Variants in MRPS34 observed in about 807,000 individuals in gnomAD.
MRPS34 encodes the protein small ribosomal subunit protein mS34.
A neutral mutation model predicts 13.3 loss-of-function variants in MRPS34; 12 were observed. That is an observed-to-expected ratio of 0.90 (90% CI 0.58 to 1.46). MRPS34 has a LOEUF of 1.46. Ranked by LOEUF, MRPS34 falls within the 40% of genes most tolerant of loss-of-function variation. MRPS34 has a pLI of 0.00. For synonymous variants in MRPS34, 181 were observed against 149.3 expected, an observed-to-expected ratio of 1.21 and a Z score of -1.55; for missense variants, 419 against 335.3, an observed-to-expected ratio of 1.25 and a Z score of -1.95.
In MRPS34 at chr16:1,772,815, G is replaced by A; in HGVS notation, c.305C>T (p.Pro102Leu). The A allele has an allele frequency of 6.9e-7, 1 of 1,446,822 alleles. No individual in the cohort carries two copies. Among genetic ancestry groups the A allele is most frequent in the Non-Finnish European group, 9.0e-7 (1 of 1,105,056 alleles). 89.6% of individuals were successfully genotyped at this position (1,446,822 alleles called of 1,614,324 possible). ...PCYWRLTRVR[P>L]DYTAQNLDHG... is the part of the protein sequence containing the mutation. ...TGCACGCACCTGCGCCGTGTAGTCG[G>A]GCCGCACCCGCGTGAGGCGCCAGTA... Residue 102 changes from proline to leucine, a missense_variant, in exon 1 of 3, where the codon CCC becomes CTC. By Grantham distance (98) the Pro-to-Leu change is moderately conservative (BLOSUM62 -3). Coordinates refer to ENST00000397375, the MANE Select transcript of MRPS34 (RefSeq NM_023936.2).
Position 1,772,990 on chromosome 16 carries a change from G to A in MRPS34, c.130C>T (p.Pro44Ser), listed in dbSNP as rs915831791. The A allele has an allele frequency of 1.2e-5, 18 of 1,452,962 alleles. No homozygotes were observed. Among genetic ancestry groups the A allele is most frequent in the Non-Finnish European group, 1.6e-5 (18 of 1,104,116 alleles). The allele number at this position is 1,452,962 out of a possible 1,614,324, so 90.0% of individuals were successfully genotyped here. A position where few individuals can be genotyped will look rare whatever the true frequency, so the allele number is the denominator to read the frequency against. The change falls in exon 1 of 3, where the codon CCG becomes TCG. Residue 44 changes from proline (P) to serine (S), a missense_variant. Pro to Ser is a moderately conservative substitution (Grantham distance 74). Coordinates refer to ENST00000397375, the MANE Select transcript of MRPS34 (RefSeq NM_023936.2). ...ACCGGCAGCCGGCGTCCAGAGAACG[G>A]CCGCGTCAAGGTCTCGTAGTCCACC... Reference protein sequence around the residue: ...YAVDYETLTRPFSGRRLPVRA... With the variant: ...YAVDYETLTRSFSGRRLPVRA...
Position 1,772,346 on chromosome 16 carries a change from G to C in MRPS34, c.532C>G (p.Arg178Gly), listed in dbSNP as rs750773640. 5 of 1,612,960 alleles carry C rather than the reference G, an allele frequency of 3.1e-6. No individual in the cohort carries two copies. The highest frequency in any genetic ancestry group is 2.2e-5 in the South Asian group (2 of 91,086). Residue 178 changes from arginine to glycine, a missense_variant, in exon 3 of 3, where the codon CGA becomes GGA. By Grantham distance (125) the Arg-to-Gly change is moderately radical. Coordinates refer to ENST00000397375, the MANE Select transcript of MRPS34 (RefSeq NM_023936.2). Reference protein sequence around the residue: ...PLLRAMIIAERQKNGDTSTEE... With the variant: ...PLLRAMIIAEGQKNGDTSTEE... Reference sequence around the variant, plus strand: ...GTGCTTGTGTCTCCATTTTTCTGTCGTTCTGCGATAATCATGGCCCGGAGG... The same window carrying C: ...GTGCTTGTGTCTCCATTTTTCTGTCCTTCTGCGATAATCATGGCCCGGAGG...
chr16:1,773,084 C>T lies in MRPS34; in HGVS notation c.36G>A (p.Ala12=), dbSNP rs1316869026. 3.6e-6 allele frequency: 5 copies of T among 1,407,796 alleles called. No homozygotes were observed. The African/African-American group carries it at 7.6e-5, about 21-fold the overall frequency. 87.2% of individuals were successfully genotyped at this position (1,407,796 alleles called of 1,614,324 possible). The change falls in exon 1 of 3, where the codon GCG becomes GCA. Residue 12 remains alanine (A), a synonymous_variant. Coordinates refer to ENST00000397375, the MANE Select transcript of MRPS34 (RefSeq NM_023936.2). ...ARKKVRPRLI[A]ELARRVRALR... ...GGGCGCGCACGCGGCGGGCCAGCTC[C>T]GCGATCAGCCGCGGACGCACCTTCT...
chr16:1,773,057 C>T lies in MRPS34; in HGVS notation c.63G>A (p.Leu21=). The change falls in exon 1 of 3, where the codon CTG becomes CTA. Residue 21 remains leucine (L), a synonymous_variant. Transcript: ENST00000397375. ...IAELARRVRA[L]REQLNRPRDS... is the part of the protein sequence containing the mutation. ...CGCGCGGCCTGTTCAGTTGCTCCCG[C>T]AGGGCGCGCACGCGGCGGGCCAGCT... 1 of 1,421,672 alleles carries T rather than the reference C, an allele frequency of 7.0e-7. No individual in the cohort carries two copies. The highest frequency in any genetic ancestry group is 1.5e-5 in the South Asian group (1 of 65,396). The allele number at this position is 1,421,672 out of a possible 1,614,324, so 88.1% of individuals were successfully genotyped here.
In MRPS34 at chr16:1,772,952, G is replaced by T. The variant is rs2042645775; in HGVS notation, c.168C>A (p.Ala56=). 5 of 1,445,146 alleles carry T rather than the reference G, an allele frequency of 3.5e-6. No individual in the cohort carries two copies. The highest frequency in any genetic ancestry group is 4.5e-6 in the Non-Finnish European group (5 of 1,104,448). The allele number at this position is 1,445,146 out of a possible 1,614,324, so 89.5% of individuals were successfully genotyped here. Residue 56 remains alanine (A), a synonymous_variant, in exon 1 of 3, where the codon GCC becomes GCA. Transcript: ENST00000397375. ...AGAGGCGGCTCTCGCGGCGCACGTC[G>T]GCCCAGGCCCGGACCGGCAGCCGGC... ...SGRRLPVRAW[A]DVRRESRLLQ...
Position 1,772,168 on chromosome 16 carries a change from A to C in MRPS34, c.*53T>G. On this transcript the variant is annotated 3_prime_UTR_variant, in exon 3 of 3. Coordinates refer to ENST00000397375, the MANE Select transcript of MRPS34 (RefSeq NM_023936.2). ...AACGCAAAGACGGTTTCTTTCATCA[A>C]TAAGGTCCCCACTGCCTCACAGCCC... 6.5e-7 allele frequency: 1 copy of C among 1,537,308 alleles called. No individual in the cohort carries two copies. Among genetic ancestry groups the C allele is most frequent in the South Asian group, 1.2e-5 (1 of 86,676 alleles).
At position 1,772,143 on chromosome 16, in the gene MRPS34, A is replaced by G. The variant is rs2042626059; in HGVS notation, c.*78T>C. The G allele has an allele frequency of 2.9e-5, 41 of 1,418,376 alleles. No individual in the cohort carries two copies. In the South Asian group the frequency reaches 5.1e-4, roughly 18 times the overall value. 87.9% of individuals were successfully genotyped at this position (1,418,376 alleles called of 1,614,324 possible). Reference sequence around the variant, plus strand: ...TGCTCCGAGAGGCAGACTCGGGTGTAACGCAAAGACGGTTTCTTTCATCAA... The same window carrying G: ...TGCTCCGAGAGGCAGACTCGGGTGTGACGCAAAGACGGTTTCTTTCATCAA... On this transcript the variant is annotated 3_prime_UTR_variant, in exon 3 of 3. Transcript: ENST00000397375.
rs1369939125 is a variant in MRPS34, at chr16:1,773,033, G to T, written c.87C>A (p.Arg29=). ...RALREQLNRP[R]DSQLYAVDYE... ...AGTCCACCGCGTAGAGCTGGGAGTC[G>T]CGCGGCCTGTTCAGTTGCTCCCGCA... The change falls in exon 1 of 3, where the codon CGC becomes CGA. Residue 29 remains arginine, a synonymous_variant. Transcript: ENST00000397375. The T allele has an allele frequency of 3.5e-6, 5 of 1,437,434 alleles. No individual in the cohort carries two copies. Among genetic ancestry groups the T allele is most frequent in the Non-Finnish European group, 4.6e-6 (5 of 1,096,660 alleles). The allele number at this position is 1,437,434 out of a possible 1,614,324, so 89.0% of individuals were successfully genotyped here.
chr16:1,772,936 T>C lies in MRPS34; in HGVS notation c.184A>G (p.Ser62Gly). The stretch of plus-strand genomic sequence containing the variant: ...CGGCCGAGCAGCTGCAAGAGGCGGC[T>C]CTCGCGGCGCACGTCGGCCCAGGCC... ...VRAWADVRRE[S>G]RLLQLLGRLP... Residue 62 changes from serine (S) to glycine (G), a missense_variant, in exon 1 of 3, where the codon AGC becomes GGC. Transcript: ENST00000397375. 1 of 1,446,098 alleles carries C rather than the reference T, an allele frequency of 6.9e-7. No individual in the cohort carries two copies. The highest frequency in any genetic ancestry group is 9.0e-7 in the Non-Finnish European group (1 of 1,105,224). 89.6% of individuals were successfully genotyped at this position (1,446,098 alleles called of 1,614,324 possible).
chr16:1,773,071 G>T lies in MRPS34; in HGVS notation c.49C>A (p.Arg17Ser). 7.1e-7 allele frequency: 1 copy of T among 1,416,356 alleles called. No individual in the cohort carries two copies. The highest frequency in any genetic ancestry group is 9.2e-7 in the Non-Finnish European group (1 of 1,088,154). The allele number at this position is 1,416,356 out of a possible 1,614,324, so 87.7% of individuals were successfully genotyped here. A position where few individuals can be genotyped will look rare whatever the true frequency, so the allele number is the denominator to read the frequency against. Reference protein sequence around the residue: ...RPRLIAELARRVRALREQLNR... With the variant: ...RPRLIAELARSVRALREQLNR... Reference sequence around the variant, plus strand: ...AGTTGCTCCCGCAGGGCGCGCACGCGGCGGGCCAGCTCCGCGATCAGCCGC... The same window carrying T: ...AGTTGCTCCCGCAGGGCGCGCACGCTGCGGGCCAGCTCCGCGATCAGCCGC... Residue 17 changes from arginine to serine, a missense_variant, in exon 1 of 3, where the codon CGC becomes AGC. Transcript: ENST00000397375.
rs747383938 is a variant in MRPS34, at chr16:1,772,178, C to T, written c.*43G>A. On this transcript the variant is annotated 3_prime_UTR_variant, in exon 3 of 3. Coordinates refer to ENST00000397375, the MANE Select transcript of MRPS34 (RefSeq NM_023936.2). ...CGGTTTCTTTCATCAATAAGGTCCC[C>T]ACTGCCTCACAGCCCCTAAGGCCAC... The T allele has an allele frequency of 6.4e-7, 1 of 1,568,222 alleles. No homozygotes were observed. The highest frequency in any genetic ancestry group is 2.3e-5 in the East Asian group (1 of 44,438).
In MRPS34 at chr16:1,773,087, G is replaced by C; in HGVS notation, c.33C>G (p.Ile11Met). 1.4e-6 allele frequency: 2 copies of C among 1,408,728 alleles called. No individual in the cohort carries two copies. Among genetic ancestry groups the C allele is most frequent in the Non-Finnish European group, 1.8e-6 (2 of 1,085,896 alleles). 87.3% of individuals were successfully genotyped at this position (1,408,728 alleles called of 1,614,324 possible). The change falls in exon 1 of 3, where the codon ATC (isoleucine) becomes ATG (methionine). Residue 11 changes from isoleucine to methionine, a missense_variant. Transcript: ENST00000397375. Reference protein sequence around the residue: MARKKVRPRLIAELARRVRAL... With the variant: MARKKVRPRLMAELARRVRAL... ...CGCGCACGCGGCGGGCCAGCTCCGC[G>C]ATCAGCCGCGGACGCACCTTCTTCC...
chr16:1,772,225 A>C lies in MRPS34; in HGVS notation c.653T>G (p.Val218Gly), dbSNP rs778168714. Residue 218 changes from valine (V) to glycine (G), a missense_variant, in exon 3 of 3, where the codon GTC (valine) becomes GGC (glycine). By Grantham distance (109) the Val-to-Gly change is moderately radical. Transcript: ENST00000397375. ...EDKGRAKGTP[V>G] ...CCACCCGCTGGTTCTGGCATTCTAG[A>C]CGGGGGTGCCCTTGGCCCTTCCTTT... 2 of 1,602,336 alleles carry C rather than the reference A, an allele frequency of 1.2e-6. No homozygotes were observed. Among genetic ancestry groups the C allele is most frequent in the Non-Finnish European group, 1.7e-6 (2 of 1,175,710 alleles).
rs761543616 is a variant in MRPS34 at position 1,772,207 on chromosome 16, C to T, written c.*14G>A. ...GCCTCACAGCCCCTAAGGCCACCCGCTGGTTCTGGCATTCTAGACGGGGGT... is the reference window on the plus strand; with the variant it reads ...GCCTCACAGCCCCTAAGGCCACCCGTTGGTTCTGGCATTCTAGACGGGGGT... On this transcript the variant is annotated 3_prime_UTR_variant, in exon 3 of 3. Transcript: ENST00000397375. The T allele has an allele frequency of 6.3e-7, 1 of 1,596,724 alleles. No individual in the cohort carries two copies. The highest frequency in any genetic ancestry group is 1.1e-5 in the South Asian group (1 of 90,972).
In MRPS34 at chr16:1,772,376, G is replaced by A. The variant is rs1443103321; in HGVS notation, c.502C>T (p.Pro168Ser). 1.2e-6 allele frequency: 2 copies of A among 1,612,134 alleles called. No individual in the cohort carries two copies. The highest frequency in any genetic ancestry group is 1.7e-6 in the Non-Finnish European group (2 of 1,180,000). The change falls in exon 3 of 3, where the codon CCT (proline) becomes TCT (serine). Residue 168 changes from proline (P) to serine (S), a missense_variant. Physicochemically the swap from Pro to Ser is moderately conservative, Grantham distance 74. Coordinates refer to ENST00000397375, the MANE Select transcript of MRPS34 (RefSeq NM_023936.2). ...GCGATAATCATGGCCCGGAGGAGAG[G>A]CGGGTACGGCACGGAGGCCAGGCTG... Reference protein sequence around the residue: ...EDSLASVPYPPLLRAMIIAER... With the variant: ...EDSLASVPYPSLLRAMIIAER...
In MRPS34 at chr16:1,772,813, C is replaced by G; in HGVS notation, c.307G>C (p.Asp103His). 6.9e-7 allele frequency: 1 copy of G among 1,446,124 alleles called. No individual in the cohort carries two copies. The highest frequency in any genetic ancestry group is 1.4e-5 in the African/African-American group (1 of 70,222). 89.6% of individuals were successfully genotyped at this position (1,446,124 alleles called of 1,614,324 possible). A position where few individuals can be genotyped will look rare whatever the true frequency, so the allele number is the denominator to read the frequency against. The change falls in exon 1 of 3, where the codon GAC becomes CAC. Residue 103 changes from aspartate (D) to histidine (H), a missense_variant. Asp to His is a moderately conservative substitution (Grantham distance 81). Transcript: ENST00000397375. ...CYWRLTRVRP[D>H]YTAQNLDHGK... Reference sequence around the variant, plus strand: ...GGTGCACGCACCTGCGCCGTGTAGTCGGGCCGCACCCGCGTGAGGCGCCAG... The same window carrying G: ...GGTGCACGCACCTGCGCCGTGTAGTGGGGCCGCACCCGCGTGAGGCGCCAG...
At position 1,772,525 on chromosome 16, in the gene MRPS34, A is replaced by G. The variant is rs527931991; in HGVS notation, c.365-12T>C. On this transcript the variant is annotated splice_polypyrimidine_tract_variant and intron_variant, in intron 2 of 2. Transcript: ENST00000397375. ...GCTCTCAGTCTTCCCTGATGAAGAA[A>G]AAGAGGCGTCTGCACACACTTGCTG... 5 of 1,610,876 alleles carry G rather than the reference A, an allele frequency of 3.1e-6. No homozygotes were observed. Among genetic ancestry groups the G allele is most frequent in the East Asian group, 2.2e-5 (1 of 44,832 alleles).
chr16:1,772,538 C>A, intron 2 of MRPS34, 25 bp from the exon 3 acceptor site: 1 of 1,612,166 alleles, frequency 6.2e-7, no homozygotes, highest in Non-Finnish European at 8.5e-7. Flanking sequence ...GAGGCGTCTG[C>A]ACACACTTGC....
At position 1,772,954 on chromosome 16, in the gene MRPS34, C is replaced by T; in HGVS notation, c.166G>A (p.Ala56Thr). 1 of 1,453,366 alleles carries T rather than the reference C, an allele frequency of 6.9e-7. No individual in the cohort carries two copies. Among genetic ancestry groups the T allele is most frequent in the Non-Finnish European group, 9.0e-7 (1 of 1,107,704 alleles). The allele number at this position is 1,453,366 out of a possible 1,614,324, so 90.0% of individuals were successfully genotyped here. A position where few individuals can be genotyped will look rare whatever the true frequency, so the allele number is the denominator to read the frequency against. Residue 56 changes from alanine (A) to threonine (T), a missense_variant, in exon 1 of 3, where the codon GCC becomes ACC. Transcript: ENST00000397375. ...SGRRLPVRAW[A>T]DVRRESRLLQ... ...AGGCGGCTCTCGCGGCGCACGTCGG[C>T]CCAGGCCCGGACCGGCAGCCGGCGT...
Sources: allele counts gnomAD v4.1 joint callset, GRCh38; gene constraint gnomAD v4.1.1; transcripts MANE v1.5; gene names NCBI Gene and HGNC (gene_info 2026-07-23, HGNC 2026-07-21).